Variants in CLMP observed in about 807,000 individuals in gnomAD.
CLMP encodes CXADR-like membrane protein.
In CLMP, 27 loss-of-function variants were observed where a neutral mutation model predicts 45.2. The observed-to-expected ratio is 0.60, with a 90% CI of 0.44 to 0.82. The LOEUF (loss-of-function observed/expected upper bound fraction) is 0.82, where lower values mean the gene tolerates loss of function less well. CLMP is among the 40% of genes least tolerant of loss of function. The probability of loss-of-function intolerance (pLI) is 0.00; values close to 1 mark genes in which losing one functional copy is unlikely to be tolerated. For missense variants in CLMP, 403 were observed against 448.4 expected, an observed-to-expected ratio of 0.90 and a Z score of 0.91; for synonymous variants, 167 against 171.4, an observed-to-expected ratio of 0.97 and a Z score of 0.20.
At chr11:123,184,805 C>T (rs909029712) in intron 1 of CLMP, among the ~76,000 whole-genome samples, 2 of 152,244 alleles carry the variant, frequency 1.3e-5, no homozygotes, top group Non-Finnish European at 2.9e-5. Flanking sequence ...TGCATTCATA[C>T]ATTTGTTTGT....
chr11:123,144,051 CG>C (rs977854455), intron 1 of CLMP, among the ~76,000 whole-genome samples: 46 of 152,042 alleles, frequency 3.0e-4, no homozygotes, highest in Admixed American at 9.8e-4. Context: ...TCAAGTGATC[CG>C]TCTGCCTCAG....
chr11:123,166,875 G>A (rs11219039), intron 1 of CLMP, among the ~76,000 whole-genome samples: 3,734 of 152,012 alleles, frequency 0.025, 127 homozygotes, highest in African/African-American at 0.085. Flanking sequence ...TACATGCATC[G>A]AAACATCTCA....
At chr11:123,117,426 A>G (rs545054725) in intron 1 of CLMP, among the ~76,000 whole-genome samples, 12 of 151,930 alleles carry the variant, frequency 7.9e-5, no homozygotes, top group Admixed American at 6.6e-4. Flanking sequence ...TTTATTTTTT[A>G]TTTTTTATTA....
At chr11:123,124,327 C>T (rs1860860806) in intron 1 of CLMP, among the ~76,000 whole-genome samples, 1 of 152,036 alleles carries the variant, frequency 6.6e-6, no homozygotes, top group Non-Finnish European at 1.5e-5. Context: ...ACGGTTTTCC[C>T]AGTTGATTGG....
intron 1 of CLMP, among the ~76,000 whole-genome samples, chr11:123,192,354 C>G (rs73017877): frequency 0.47 from 70,691 of 151,818 alleles, 18,831 homozygotes; most frequent in South Asian, 0.63. Context: ...ATTCCCCTAC[C>G]CCTATGCCCA....
intron 1 of CLMP, among the ~76,000 whole-genome samples, chr11:123,181,420 C>T (rs1034030478): frequency 2.6e-5 from 4 of 152,226 alleles, no homozygotes; most frequent in African/African-American, 9.6e-5. Context: ...ATTGCTTTCG[C>T]CTCATGGTAG....
At chr11:123,076,991 C>CTTT (rs869224079) in intron 5 of CLMP, among the ~76,000 whole-genome samples, 149 of 99,660 alleles carry the variant, frequency 1.5e-3, no homozygotes, top group Non-Finnish European at 2.1e-3. Flanking sequence ...GCTATTTATT[C>CTTT]TTTTTTTTTT....
chr11:123,100,625 AAT>A (rs1422987972), intron 1 of CLMP, among the ~76,000 whole-genome samples: 1 of 152,016 alleles, frequency 6.6e-6, no homozygotes, highest in Non-Finnish European at 1.5e-5. Context: ...CAGCTCTGCA[AAT>A]AGTGTCCACC....
intron 2 of CLMP, among the ~76,000 whole-genome samples, chr11:123,088,880 T>A (rs544566263): frequency 6.9e-4 from 105 of 152,322 alleles, no homozygotes; most frequent in African/African-American, 2.5e-3. Flanking sequence ...CGCCTTAGCT[T>A]CCCAAAGTGC....
chr11:123,185,904 T>C (rs1421165532), intron 1 of CLMP, among the ~76,000 whole-genome samples: 7 of 152,196 alleles, frequency 4.6e-5, no homozygotes, highest in Admixed American at 2.0e-4. Flanking sequence ...TGTATTTGGG[T>C]GTAGGGCTCA....
intron 1 of CLMP, chr11:123,136,388 T>C (rs11605344): frequency 0.019 from 9,596 of 516,534 alleles, 710 homozygotes; most frequent in African/African-American, 0.16. Context: ...GTTGCCATGA[T>C]ACCGCCGGTG....
chr11:123,152,717 C>T (rs893310262), intron 1 of CLMP, among the ~76,000 whole-genome samples: 1 of 150,102 alleles, frequency 6.7e-6, no homozygotes, highest in African/African-American at 2.5e-5. Flanking sequence ...TTTGGCACCC[C>T]CAGGGGAAAA....
intron 2 of CLMP, among the ~76,000 whole-genome samples, chr11:123,097,323 A>C (rs1306357689): frequency 6.6e-6 from 1 of 151,646 alleles, no homozygotes; most frequent in Non-Finnish European, 1.5e-5. Context: ...GTGCCACCAC[A>C]TCTGGCTAAT....
At chr11:123,192,750 C>CACT (rs1168767098) in intron 1 of CLMP, among the ~76,000 whole-genome samples, 1 of 151,932 alleles carries the variant, frequency 6.6e-6, no homozygotes, top group African/African-American at 2.4e-5. Flanking sequence ...AGACGATGAA[C>CACT]ACTCTCCACC....
intron 1 of CLMP, among the ~76,000 whole-genome samples, chr11:123,154,476 T>C (rs1861385285): frequency 6.6e-6 from 1 of 152,204 alleles, no homozygotes; most frequent in Non-Finnish European, 1.5e-5. Flanking sequence ...GTCATGCAAG[T>C]AGGGCCTTGA....
At chr11:123,106,360 C>T (rs1054696307) in intron 1 of CLMP, among the ~76,000 whole-genome samples, 2 of 150,168 alleles carry the variant, frequency 1.3e-5, no homozygotes, top group African/African-American at 4.9e-5. Flanking sequence ...TTCACCCCAG[C>T]TACATATATA....
chr11:123,184,469 C>A (rs1861807632), intron 1 of CLMP, among the ~76,000 whole-genome samples: 1 of 152,182 alleles, frequency 6.6e-6, no homozygotes, highest in African/African-American at 2.4e-5. Context: ...GCTCATGCTG[C>A]CTCAGTGATA....
chr11:123,186,581 G>A lies in CLMP; in HGVS notation c.28+8332C>T, dbSNP rs144645304. ...CACCCAGAGGCTGGAATGCAGTGGC[G>A]TGATCTCAACTCACTGCTGCAATCT... On this transcript the variant is annotated intron_variant, in intron 1 of 6. Transcript: ENST00000448775. Among the ~76,000 whole-genome samples the A allele has an allele frequency of 5.7e-3, 871 of 151,698 alleles. 27 individuals carry two copies. Among genetic ancestry groups the A allele is most frequent in the Non-Finnish European group, 3.2e-3 (220 of 67,936 alleles).
chr11:123,084,675 C>T lies in CLMP; in HGVS notation c.225G>A (p.Leu75=), dbSNP rs745519749. 3 of 1,614,188 alleles carry T rather than the reference C, an allele frequency of 1.9e-6. No homozygotes were observed. The highest frequency in any genetic ancestry group is 1.7e-6 in the Non-Finnish European group (2 of 1,180,040). ...CCACTCGGCCCTTCTGTTCCTCAGT[C>T]AAGTTATTGTAGACATGACGACTGG... ...TYSSRHVYNN[L]TEEQKGRVAF... The change falls in exon 3 of 7, where the codon TTG becomes TTA. Residue 75 remains leucine, a synonymous_variant. Coordinates refer to ENST00000448775, the MANE Select transcript of CLMP (RefSeq NM_024769.5).
Sources: allele counts gnomAD v4.1 joint callset (sites outside exome capture counted in the v4.1 genomes callset), GRCh38; gene constraint gnomAD v4.1.1; transcripts MANE v1.5; gene names NCBI Gene and HGNC (gene_info 2026-07-23, HGNC 2026-07-21).